The following RALYL variants were observed in gnomAD, a reference collection of about 807,000 sequenced individuals.
The protein encoded by RALYL is RNA-binding Raly-like protein.
A neutral mutation model predicts 35.1 loss-of-function variants in RALYL; 29 were observed. The ratio of observed to expected loss-of-function variants is 0.83; its 90% CI spans 0.61 to 1.13. The LOEUF is 1.13. Ranked by LOEUF, RALYL falls within the 50% of genes most tolerant of loss-of-function variation. RALYL has a pLI of 0.00. For missense variants in RALYL, 359 were observed against 360.4 expected (o/e 1.00, Z 0.03); for synonymous variants, 120 against 127.6 (o/e 0.94, Z 0.40).
intron 2 of RALYL, among the ~76,000 whole-genome samples, chr8:84,766,991 A>G (rs1164709593): frequency 6.6e-6 from 1 of 152,218 alleles, no homozygotes; most frequent in African/African-American, 2.4e-5. Context: ...ACTCAGTGTC[A>G]TGGAAATGGT....
intron 2 of RALYL, among the ~76,000 whole-genome samples, chr8:84,694,866 C>CAAA (rs1475566867): frequency 6.6e-6 from 1 of 151,788 alleles, no homozygotes; most frequent in African/African-American, 2.4e-5. Context: ...TTTTGAACAT[C>CAAA]TACATGGGTA....
chr8:84,269,818 A>G (rs186200666), intron 1 of RALYL, among the ~76,000 whole-genome samples: 2 of 152,250 alleles, frequency 1.3e-5, no homozygotes, highest in East Asian at 3.9e-4. Context: ...AAATCCAAAT[A>G]TATTATTAGA....
chr8:84,691,831 A>G (rs1838119100), intron 2 of RALYL, among the ~76,000 whole-genome samples: 1 of 152,094 alleles, frequency 6.6e-6, no homozygotes, highest in Non-Finnish European at 1.5e-5. Flanking sequence ...GTGCATAGAT[A>G]CAAAAATCCT....
chr8:84,200,977 T>C (rs1264625136), intron 1 of RALYL, among the ~76,000 whole-genome samples: 1 of 152,164 alleles, frequency 6.6e-6, no homozygotes, highest in Non-Finnish European at 1.5e-5. Flanking sequence ...TTTTTATCCT[T>C]CTGTGTGTCA....
At chr8:84,236,155 A>G (rs1162803389) in intron 1 of RALYL, among the ~76,000 whole-genome samples, 1 of 152,146 alleles carries the variant, frequency 6.6e-6, no homozygotes, top group African/African-American at 2.4e-5. Context: ...AACTTGAGTA[A>G]GATAGTTTGC....
intron 2 of RALYL, among the ~76,000 whole-genome samples, chr8:84,723,107 C>CT (rs1399767425): frequency 6.6e-6 from 1 of 151,924 alleles, no homozygotes; most frequent in Admixed American, 6.6e-5. Flanking sequence ...ATGCTGTTGT[C>CT]TTTTCTCTTG....
intron 1 of RALYL, among the ~76,000 whole-genome samples, chr8:84,336,048 A>G (rs1223940128): frequency 6.6e-6 from 1 of 152,166 alleles, no homozygotes; most frequent in Non-Finnish European, 1.5e-5. Flanking sequence ...GTGGATATTC[A>G]GTGAGAATGT....
chr8:84,585,148 A>C (rs1276073458), intron 2 of RALYL, among the ~76,000 whole-genome samples: 1 of 152,004 alleles, frequency 6.6e-6, no homozygotes, highest in African/African-American at 2.4e-5. Flanking sequence ...AATGGTGATA[A>C]ATTGCATTAA....
chr8:84,564,191 T>G (rs1417122073), intron 2 of RALYL, among the ~76,000 whole-genome samples: 1 of 151,770 alleles, frequency 6.6e-6, no homozygotes, highest in African/African-American at 2.4e-5. Flanking sequence ...TCTGCCTTTC[T>G]TTATCATCTC....
chr8:84,450,307 T>G (rs711009), intron 1 of RALYL, among the ~76,000 whole-genome samples: 86,827 of 151,600 alleles, frequency 0.57, 24,940 homozygotes, highest in South Asian at 0.64. Flanking sequence ...AATCAAAAAT[T>G]TGCAGTCCAG....
chr8:84,194,866 A>G (rs996865714), intron 1 of RALYL, among the ~76,000 whole-genome samples: 1 of 152,186 alleles, frequency 6.6e-6, no homozygotes, highest in African/African-American at 2.4e-5. Flanking sequence ...TCTTCTTGCT[A>G]TTAAATGGCT....
chr8:84,385,941 C>A (rs1170556795), intron 1 of RALYL, among the ~76,000 whole-genome samples: 1 of 151,802 alleles, frequency 6.6e-6, no homozygotes, highest in Non-Finnish European at 1.5e-5. Flanking sequence ...CTTTCTGTAT[C>A]ATTCTACTGC....
intron 2 of RALYL, among the ~76,000 whole-genome samples, chr8:84,702,006 T>A (rs1840288086): frequency 6.6e-6 from 1 of 152,162 alleles, no homozygotes; most frequent in African/African-American, 2.4e-5. Flanking sequence ...AGACATAACC[T>A]CTTAGCTTCA....
chr8:84,801,513 T>C (rs979283278), intron 3 of RALYL, among the ~76,000 whole-genome samples: 1 of 152,170 alleles, frequency 6.6e-6, no homozygotes, highest in Non-Finnish European at 1.5e-5. Flanking sequence ...GTGATGGTGA[T>C]GATAAGTATT....
At chr8:84,797,085 G>A (rs1034179927) in intron 3 of RALYL, among the ~76,000 whole-genome samples, 2 of 152,200 alleles carry the variant, frequency 1.3e-5, no homozygotes, top group African/African-American at 4.8e-5. Context: ...CACAGTTCTA[G>A]AGACTGAGAA....
chr8:84,524,233 T>A (rs970667898), intron 1 of RALYL, among the ~76,000 whole-genome samples: 12 of 151,996 alleles, frequency 7.9e-5, no homozygotes, highest in African/African-American at 2.7e-4. Flanking sequence ...GAATCTACAA[T>A]GAACTCAAAC....
intron 8 of RALYL, among the ~76,000 whole-genome samples, chr8:84,889,849 C>T (rs535150888): frequency 6.6e-6 from 1 of 152,100 alleles, no homozygotes; most frequent in African/African-American, 2.4e-5. Context: ...TGGCCCCCAC[C>T]TTTATCCTTG....
At chr8:84,695,856 G>A (rs1481905905) in intron 2 of RALYL, among the ~76,000 whole-genome samples, 1 of 151,716 alleles carries the variant, frequency 6.6e-6, no homozygotes, top group Non-Finnish European at 1.5e-5. Flanking sequence ...ACCCCTCTCA[G>A]TAATTCTCTC....
intron 2 of RALYL, among the ~76,000 whole-genome samples, chr8:84,559,845 AG>A (rs1199345767): frequency 6.6e-6 from 1 of 151,964 alleles, no homozygotes; most frequent in Admixed American, 6.6e-5. Flanking sequence ...GCAATAAAAG[AG>A]TAAGAAACAG....
Sources: allele counts gnomAD v4.1 joint callset (sites outside exome capture counted in the v4.1 genomes callset), GRCh38; gene constraint gnomAD v4.1.1; transcripts MANE v1.5; gene names NCBI Gene and HGNC (gene_info 2026-07-23, HGNC 2026-07-21).